The following RASA3 variants were observed in gnomAD, a reference collection of about 807,000 sequenced individuals.
The protein encoded by RASA3 is ras GTPase-activating protein 3.
Under a neutral mutation model 110.0 loss-of-function variants are expected in RASA3, and 73 were observed. The ratio of observed to expected loss-of-function variants is 0.66; its 90% confidence interval spans 0.55 to 0.81. The LOEUF (loss-of-function observed/expected upper bound fraction) is 0.81. Ranked by LOEUF, RASA3 falls within the 30% of genes least tolerant of loss-of-function variation. The pLI, the probability that RASA3 is intolerant of heterozygous loss-of-function variation, is 0.00. For missense variants in RASA3, 976 were observed against 1,113.2 expected (o/e 0.88, Z 1.75); for synonymous variants, 500 against 451.4 (o/e 1.11, Z -1.37).
chr13:114,018,932 G>T lies in RASA3; in HGVS notation c.786-13C>A, dbSNP rs200329999. On this transcript the variant is annotated splice_polypyrimidine_tract_variant and intron_variant, in intron 9 of 23. Coordinates refer to ENST00000334062, the MANE Select transcript of RASA3 (RefSeq NM_007368.4). ...CTGGAGGAAGTACCTGGGTGGGAGG[G>T]ACACATGGAGGGGAGGCATGAGGCT... 6 of 1,613,168 alleles carry T rather than the reference G, an allele frequency of 3.7e-6. No individual in the cohort carries two copies. The highest frequency in any genetic ancestry group is 5.1e-6 in the Non-Finnish European group (6 of 1,179,880).
At chr13:114,081,791 GC>G (rs1427189719) in intron 1 of RASA3, among the ~76,000 whole-genome samples, 1 of 152,138 alleles carries the variant, frequency 6.6e-6, no homozygotes, top group Non-Finnish European at 1.5e-5. Flanking sequence ...AAATGAAGCC[GC>G]CCTTCTGAGT....
intron 1 of RASA3, among the ~76,000 whole-genome samples, chr13:114,121,520 G>C (rs1268969680): frequency 6.6e-6 from 1 of 152,124 alleles, no homozygotes; most frequent in Admixed American, 6.5e-5. Context: ...GCCCCAAACG[G>C]TCCCAGGGTC....
At chr13:114,100,841 C>G (rs2080050281) in intron 1 of RASA3, among the ~76,000 whole-genome samples, 1 of 152,236 alleles carries the variant, frequency 6.6e-6, no homozygotes, top group Admixed American at 6.5e-5. Flanking sequence ...GTTCTCGCCA[C>G]CTGGAGAGGC....
At chr13:114,004,367 AC>A in intron 18 of RASA3, among the ~76,000 whole-genome samples, 1 of 152,278 alleles carries the variant, frequency 6.6e-6, no homozygotes, top group East Asian at 1.9e-4. Flanking sequence ...AAACAACTTA[AC>A]AAAAAAAATA....
chr13:114,009,543 A>G (rs2139223539), intron 16 of RASA3, 79 bp from the exon 17 acceptor site: 1 of 965,978 alleles, frequency 1.0e-6, no homozygotes, highest in Non-Finnish European at 1.7e-6. Context: ...GCTAGAGGCA[A>G]GAACTGTCCA....
At chr13:114,042,891 C>A (rs1214617689) in intron 3 of RASA3, among the ~76,000 whole-genome samples, 1 of 152,222 alleles carries the variant, frequency 6.6e-6, no homozygotes, top group Non-Finnish European at 1.5e-5. Context: ...TACCACTCTG[C>A]ACACCCCACA....
intron 1 of RASA3, among the ~76,000 whole-genome samples, chr13:114,101,779 T>C (rs747383755): frequency 2.6e-5 from 4 of 152,202 alleles, no homozygotes; most frequent in African/African-American, 4.8e-5. Flanking sequence ...GAGAGGCTTG[T>C]GGGCCCTGAA....
rs867520818 is a variant in RASA3 at position 114,005,791 on chromosome 13, T to C, written c.1742+1742A>G. Among the ~76,000 whole-genome samples the C allele has an allele frequency of 1.2e-4, 16 of 137,990 alleles. 2 individuals are homozygous for C. The highest frequency in any genetic ancestry group is 2.6e-4 in the South Asian group (1 of 3,898). The allele number at this position is 137,990 out of a possible 152,430, so 90.5% of individuals were successfully genotyped here. A position where few individuals can be genotyped will look rare whatever the true frequency, so the allele number is the denominator to read the frequency against. ...CTTACCCTTCTCCCCCCTCCTGCCCTGCCGGACACCACCTTACCCTTCTCC... is the reference window on the plus strand; with the variant it reads ...CTTACCCTTCTCCCCCCTCCTGCCCCGCCGGACACCACCTTACCCTTCTCC... On this transcript the variant is annotated intron_variant, in intron 18 of 23. Transcript: ENST00000334062.
At chr13:114,009,492 A>G in intron 16 of RASA3, 28 bp from the exon 17 acceptor site, 2 of 1,510,300 alleles carry the variant, frequency 1.3e-6, no homozygotes, top group Non-Finnish European at 1.8e-6. Context: ...TCACTCGAGG[A>G]CAGCCCGAAG....
intron 21 of RASA3, among the ~76,000 whole-genome samples, chr13:113,993,867 G>A (rs1231332719): frequency 1.3e-5 from 2 of 148,768 alleles, no homozygotes; most frequent in Admixed American, 6.7e-5. Context: ...ACAGAAGCAC[G>A]TCTTTGATGG....
In RASA3 at chr13:114,057,166, T is replaced by C. The variant is rs2079259454; in HGVS notation, c.174-5011A>G. ...GTTTATTCTAGTGGTTCCAATTGCC[T>C]ATTTTAATGTTTTTCTTCTTATTTC... On this transcript the variant is annotated intron_variant, in intron 2 of 23. Transcript: ENST00000334062. This position sits in a 1 kb window ranked among gnomAD's most constrained non-coding sequence, Gnocchi z 5.0. 1.0e-6 allele frequency: 1 copy of C among 971,754 alleles called. No homozygotes were observed. Among genetic ancestry groups the C allele is most frequent in the Non-Finnish European group, 1.2e-6 (1 of 817,630 alleles). 60.2% of individuals were successfully genotyped at this position (971,754 alleles called of 1,614,324 possible).
In RASA3 at chr13:114,073,628, A is replaced by G. The variant is rs553999068; in HGVS notation, c.173+92T>C. ...TACACGCTCGGGACGTTCTCCACAC[A>G]TGGGAAAATGGGAAGGTGACGTACA... On this transcript the variant is annotated intron_variant, in intron 2 of 23. Coordinates refer to ENST00000334062, the MANE Select transcript of RASA3 (RefSeq NM_007368.4). 1.1e-4 allele frequency: 117 copies of G among 1,060,332 alleles called. No individual in the cohort carries two copies. In the African/African-American group the frequency reaches 1.6e-3, roughly 14 times the overall value. The allele number at this position is 1,060,332 out of a possible 1,614,324, so 65.7% of individuals were successfully genotyped here.
chr13:114,003,981 T>G (rs2053459502), intron 18 of RASA3, among the ~76,000 whole-genome samples: 1 of 152,234 alleles, frequency 6.6e-6, no homozygotes, highest in Admixed American at 6.5e-5. Flanking sequence ...CTGAAAGAAC[T>G]TTTTGTCTAA....
At chr13:114,063,909 G>A (rs2079403185) in intron 2 of RASA3, among the ~76,000 whole-genome samples, 1 of 152,182 alleles carries the variant, frequency 6.6e-6, no homozygotes, top group African/African-American at 2.4e-5. Flanking sequence ...TCATTGGTGA[G>A]GTGGAATGTC....
chr13:114,100,701 G>T (rs1300408886), intron 1 of RASA3, among the ~76,000 whole-genome samples: 1 of 152,150 alleles, frequency 6.6e-6, no homozygotes, highest in Non-Finnish European at 1.5e-5. Flanking sequence ...AAAATCCCAG[G>T]CTGGTTCGGT....
chr13:113,980,438 CCTCCTGCCATGT>C (rs2052904866), intron 23 of RASA3, among the ~76,000 whole-genome samples: 2 of 98,030 alleles, frequency 2.0e-5, no homozygotes, highest in South Asian at 3.7e-4. Context: ...CGTGTGTGCA[CCTCCTGCCATGT>C]GTGTGCACCT....
At chr13:113,994,967 C>T (rs111696837) in intron 21 of RASA3, among the ~76,000 whole-genome samples, 27 of 152,270 alleles carry the variant, frequency 1.8e-4, no homozygotes, top group African/African-American at 6.5e-4. Flanking sequence ...GAACGAGATC[C>T]CATCTCAAAG....
chr13:113,995,819 G>T (rs1227068295), intron 21 of RASA3, among the ~76,000 whole-genome samples: 1,113 of 31,574 alleles, frequency 0.035, 259 homozygotes, highest in African/African-American at 0.052. Flanking sequence ...TCCGGCTGAC[G>T]GGGGGCCCGG....
intron 11 of RASA3, among the ~76,000 whole-genome samples, chr13:114,017,600 C>A (rs181548530): frequency 6.6e-6 from 1 of 152,238 alleles, no homozygotes; most frequent in African/African-American, 2.4e-5. Flanking sequence ...TCAGGAGGAG[C>A]CTGGCTGGCC....
Sources: allele counts gnomAD v4.1 joint callset (sites outside exome capture counted in the v4.1 genomes callset), GRCh38; gene constraint gnomAD v4.1.1; non-coding constraint Gnocchi (gnomAD v3.1); transcripts MANE v1.5; gene names NCBI Gene and HGNC (gene_info 2026-07-23, HGNC 2026-07-21).